The following GLG1 variants were observed in gnomAD, a reference collection of about 807,000 sequenced individuals.
The protein encoded by GLG1 is golgi glycoprotein 1.
Under a neutral mutation model 160.5 loss-of-function variants are expected in GLG1, and 38 were observed. The ratio of observed to expected loss-of-function variants is 0.24; its 90% CI spans 0.18 to 0.31. The LOEUF is 0.31. GLG1 is among the 10% of genes least tolerant of loss of function. The pLI, the probability that GLG1 is intolerant of heterozygous loss-of-function variation, is 1.00. For synonymous variants in GLG1, 644 were observed against 543.4 expected (o/e 1.19, Z -2.57); for missense variants, 1,373 against 1,505.2 (o/e 0.91, Z 1.45).
At chr16:74,463,827 G>C (rs1298976691) in intron 19 of GLG1, 1 of 231,360 alleles carries the variant, frequency 4.3e-6, no homozygotes, top group Non-Finnish European at 8.5e-6. Context: ...CACCCACCTG[G>C]GCTTCCCAAA....
intron 19 of GLG1, among the ~76,000 whole-genome samples, chr16:74,465,190 T>C (rs2014955489): frequency 6.6e-6 from 1 of 152,150 alleles, no homozygotes; most frequent in Non-Finnish European, 1.5e-5. Flanking sequence ...GACATCTAGG[T>C]ACTCAGGTCA....
At chr16:74,588,298 T>A (rs1185309575) in intron 1 of GLG1, among the ~76,000 whole-genome samples, 3 of 152,034 alleles carry the variant, frequency 2.0e-5, no homozygotes, top group African/African-American at 7.2e-5. Context: ...ATAAAAAAAA[T>A]AGCATGAAAA....
chr16:74,545,223 C>G (rs1258105531), intron 1 of GLG1, among the ~76,000 whole-genome samples: 1 of 152,078 alleles, frequency 6.6e-6, no homozygotes, highest in African/African-American at 2.4e-5. Context: ...CTCTGTCACC[C>G]AGGCTAGAGT....
intron 22 of GLG1, among the ~76,000 whole-genome samples, chr16:74,460,384 T>G (rs569566861): frequency 6.6e-6 from 1 of 152,298 alleles, no homozygotes; most frequent in East Asian, 1.9e-4. Flanking sequence ...CTTGAACTCC[T>G]GACCTCAGGT....
chr16:74,503,678 G>C lies in GLG1; in HGVS notation c.627C>G (p.Gly209=). 1.2e-6 allele frequency: 2 copies of C among 1,612,636 alleles called. No individual in the cohort carries two copies. The highest frequency in any genetic ancestry group is 2.2e-5 in the South Asian group (2 of 91,058). The change falls in exon 4 of 26, where the codon GGC becomes GGG. Residue 209 remains glycine, a synonymous_variant. Coordinates refer to ENST00000422840, the MANE Select transcript of GLG1 (RefSeq NM_001145667.2). ...YMVSCLVDHR[G]NITEYQCHQY... ...GGTGACACTGATACTCAGTGATGTT[G>C]CCTCGGTGATCCACCAAGCAGGAAA...
chr16:74,472,522 A>C, intron 13 of GLG1, 111 bp from the exon 14 acceptor site: 1 of 1,380,164 alleles, frequency 7.2e-7, no homozygotes, highest in Non-Finnish European at 9.9e-7. Context: ...AATCTAATAC[A>C]TACTTTTGGA....
chr16:74,463,226 C>A (rs1387631771), intron 20 of GLG1, 130 bp downstream of exon 20: 3 of 846,566 alleles, frequency 3.5e-6, no homozygotes, highest in Non-Finnish European at 5.6e-6. Context: ...GAAGGCCCTG[C>A]TTACACTCAG....
intron 1 of GLG1, among the ~76,000 whole-genome samples, chr16:74,582,470 G>A (rs1350355327): frequency 3.3e-5 from 5 of 152,108 alleles, no homozygotes; most frequent in Non-Finnish European, 5.9e-5. Context: ...TTGTTAACAG[G>A]AATGTCCTCC....
Position 74,461,100 on chromosome 16 carries a change from G to A in GLG1, c.3036+994C>T, listed in dbSNP as rs2014773699. Among the ~76,000 whole-genome samples, 2 of 151,880 alleles carry A rather than the reference G, an allele frequency of 1.3e-5. 1 individual carries two copies. The highest frequency in any genetic ancestry group is 4.2e-4 in the South Asian group (2 of 4,814). Reference sequence around the variant, plus strand: ...ATATGTTGAACACGCTCTCCACAAGGCCTTTTCTAGCTAAGAAGTCCAATA... The same window carrying A: ...ATATGTTGAACACGCTCTCCACAAGACCTTTTCTAGCTAAGAAGTCCAATA... On this transcript the variant is annotated intron_variant, in intron 22 of 25. Transcript: ENST00000422840.
At position 74,606,732 on chromosome 16, in the gene GLG1, G is replaced by C; in HGVS notation, c.363C>G (p.Asp121Glu). The C allele has an allele frequency of 6.2e-7, 1 of 1,613,012 alleles. No homozygotes were observed. The highest frequency in any genetic ancestry group is 8.5e-7 in the Non-Finnish European group (1 of 1,179,326). Residue 121 changes from aspartate to glutamate, a missense_variant, in exon 1 of 26, where the codon GAC (aspartate) becomes GAG (glutamate). Transcript: ENST00000422840. Reference sequence around the variant, plus strand: ...TGTGCTTAGGGCACACGCGGGTCACGTCCTCCCTGCAGGACTCTTCCTCCG... The same window carrying C: ...TGTGCTTAGGGCACACGCGGGTCACCTCCTCCCTGCAGGACTCTTCCTCCG... ...KLAEEESCRE[D>E]VTRVCPKHTW...
chr16:74,604,912 G>A (rs1039408356), intron 1 of GLG1, among the ~76,000 whole-genome samples: 10 of 152,144 alleles, frequency 6.6e-5, no homozygotes, highest in African/African-American at 2.4e-4. Context: ...AGCTGGGCGT[G>A]GTGGCGCTCG....
intron 12 of GLG1, among the ~76,000 whole-genome samples, chr16:74,476,473 C>T (rs968879955): frequency 2.6e-5 from 4 of 152,106 alleles, no homozygotes; most frequent in Non-Finnish European, 1.5e-5. Context: ...TTAAAATGTC[C>T]AATTCCTGTA....
At chr16:74,599,059 G>C (rs1958375985) in intron 1 of GLG1, among the ~76,000 whole-genome samples, 1 of 151,998 alleles carries the variant, frequency 6.6e-6, no homozygotes, top group Admixed American at 6.6e-5. Context: ...ACAGAACAAT[G>C]AATTATTAAG....
chr16:74,539,995 TTTTATA>T (rs1242487298), intron 1 of GLG1, among the ~76,000 whole-genome samples: 149 of 9,888 alleles, frequency 0.015, 36 homozygotes, highest in African/African-American at 0.052. Flanking sequence ...TATATATATA[TTTTATA>T]TATATATATT....
chr16:74,498,300 T>C (rs2016270702), intron 4 of GLG1, among the ~76,000 whole-genome samples: 2 of 148,314 alleles, frequency 1.3e-5, no homozygotes, highest in Non-Finnish European at 3.0e-5. Flanking sequence ...GATGTGGTGG[T>C]GTGCACCTGT....
intron 1 of GLG1, among the ~76,000 whole-genome samples, chr16:74,604,648 T>A (rs1391935258): frequency 6.6e-6 from 1 of 152,254 alleles, no homozygotes; most frequent in Non-Finnish European, 1.5e-5. Context: ...TTTCTTCAAA[T>A]GTGCCTAACT....
chr16:74,553,112 C>T (rs996101700), intron 1 of GLG1, among the ~76,000 whole-genome samples: 2 of 151,158 alleles, frequency 1.3e-5, no homozygotes, highest in Non-Finnish European at 2.9e-5. Flanking sequence ...CTCAGCTACT[C>T]GGGAGGCTGA....
Position 74,592,625 on chromosome 16 carries a change from G to C in GLG1, c.438+14032C>G, listed in dbSNP as rs1416803314. ...AGACCATTTATAAATAAGAAAACTG[G>C]AGGTCTGAGAGATTAATTTGCCCAA... On this transcript the variant is annotated intron_variant, in intron 1 of 25. Transcript: ENST00000422840. 2.6e-5 allele frequency among the ~76,000 whole-genome samples: 4 copies of C among 152,116 alleles called. No individual in the cohort carries two copies. The East Asian group carries it at 7.7e-4, about 29-fold the overall frequency.
intron 8 of GLG1, among the ~76,000 whole-genome samples, chr16:74,490,484 T>C (rs2015942906): frequency 6.6e-6 from 1 of 152,224 alleles, no homozygotes; most frequent in South Asian, 2.1e-4. Context: ...GATAGTGTGA[T>C]TTCAAAAATG....
Sources: gnomAD v4.1 joint callset for allele counts (sites outside exome capture counted in the v4.1 genomes callset) on GRCh38, gnomAD v4.1.1 for gene constraint, MANE v1.5 for transcripts, NCBI Gene and HGNC (gene_info 2026-07-23, HGNC 2026-07-21) for gene names.